ZCCHC14: variants seen among roughly 807,000 people sequenced by gnomAD.
ZCCHC14 encodes zinc finger CCHC domain-containing protein 14.
In ZCCHC14, 16 loss-of-function variants were observed where a neutral mutation model predicts 85.0. That is an observed-to-expected ratio of 0.19 (90% CI 0.13 to 0.29). ZCCHC14 has a LOEUF of 0.29. Among genes scored for constraint, ZCCHC14 ranks in the 10% least tolerant of loss-of-function variants. The pLI is 1.00. For missense variants in ZCCHC14, 1,303 were observed against 1,443.5 expected (o/e 0.90, Z 1.58); for synonymous variants, 775 against 630.7 (o/e 1.23, Z -3.43).
At chr16:87,452,766 C>T in intron 2 of ZCCHC14, among the ~76,000 whole-genome samples, 1 of 148,686 alleles carries the variant, frequency 6.7e-6, no homozygotes, top group East Asian at 2.0e-4. Flanking sequence ...TGCTTGTCAG[C>T]TGAGGAGCCC....
At chr16:87,469,995 T>G (rs1328451909) in intron 1 of ZCCHC14, among the ~76,000 whole-genome samples, 1 of 152,130 alleles carries the variant, frequency 6.6e-6, no homozygotes, top group African/African-American at 2.4e-5. Context: ...ATCCCAGCAC[T>G]TTGGGGGGCT....
rs1164382513 is a variant in ZCCHC14, at chr16:87,409,683, T to C, written c.*597A>G. 6.5e-6 allele frequency: 1 copy of C among 152,694 alleles called. No homozygotes were observed. The highest frequency in any genetic ancestry group is 1.5e-5 in the Non-Finnish European group (1 of 68,064). 9.5% of individuals were successfully genotyped at this position (152,694 alleles called of 1,614,324 possible). On this transcript the variant is annotated 3_prime_UTR_variant, in exon 13 of 13. Transcript: ENST00000671377. The stretch of plus-strand genomic sequence containing the variant: ...TCGAGTAGCCTCTGCTGGTGCTGAC[T>C]CTTTCAATATGGATTATTGGAGTCT...
rs546474540 is a variant in ZCCHC14, at chr16:87,417,397, C to T, written c.1383+63G>A. On this transcript the variant is annotated intron_variant, in intron 8 of 12. Coordinates refer to ENST00000671377, the MANE Select transcript of ZCCHC14 (RefSeq NM_015144.3). ...TGTGTTGGTTTGGAAACTCAATGCC[C>T]CCAGGGAGGTCTTGAGTAAACAATC... 8.9e-6 allele frequency: 14 copies of T among 1,575,550 alleles called. No individual in the cohort carries two copies. In the East Asian group the frequency reaches 2.9e-4, roughly 33 times the overall value.
chr16:87,430,404 C>T (rs904009627), intron 3 of ZCCHC14, among the ~76,000 whole-genome samples: 8 of 152,156 alleles, frequency 5.3e-5, no homozygotes, highest in Admixed American at 1.3e-4. Context: ...TACCTCACAG[C>T]GTTGTGATCC....
chr16:87,455,661 C>T (rs529094858), intron 2 of ZCCHC14, among the ~76,000 whole-genome samples: 1 of 152,332 alleles, frequency 6.6e-6, no homozygotes, highest in East Asian at 1.9e-4. Context: ...AGGAATGCTA[C>T]AGGCAACCAG....
At position 87,410,272 on chromosome 16, in the gene ZCCHC14, G is replaced by A; in HGVS notation, c.*8C>T. On this transcript the variant is annotated 3_prime_UTR_variant, in exon 13 of 13. Transcript: ENST00000671377. Reference sequence around the variant, plus strand: ...GGCTTAATAACGTTCTGTTGCCAGAGAAAAATATCAATCTGTGGAGTCCAG... The same window carrying A: ...GGCTTAATAACGTTCTGTTGCCAGAAAAAAATATCAATCTGTGGAGTCCAG... 2.6e-6 allele frequency: 2 copies of A among 768,814 alleles called. No homozygotes were observed. The highest frequency in any genetic ancestry group is 1.7e-5 in the African/African-American group (1 of 58,422). The allele number at this position is 768,814 out of a possible 1,614,324, so 47.6% of individuals were successfully genotyped here. A position where few individuals can be genotyped will look rare whatever the true frequency, so the allele number is the denominator to read the frequency against.
At chr16:87,480,200 G>C (rs562361895) in intron 1 of ZCCHC14, among the ~76,000 whole-genome samples, 1 of 152,170 alleles carries the variant, frequency 6.6e-6, no homozygotes, top group East Asian at 2.0e-4. Flanking sequence ...TCAGGAGATG[G>C]AGACCATCCT....
At chr16:87,411,484 G>A (rs765212025) in intron 12 of ZCCHC14, 32 bp downstream of exon 12, 1 of 1,610,028 alleles carries the variant, frequency 6.2e-7, no homozygotes, top group Admixed American at 1.7e-5. Context: ...TCCTGCGGGA[G>A]CCTGGTGGGC....
chr16:87,422,928 C>T lies in ZCCHC14; in HGVS notation c.840+882G>A, dbSNP rs561876747. 9.2e-5 allele frequency among the ~76,000 whole-genome samples: 14 copies of T among 152,134 alleles called. 1 individual carries two copies. The highest frequency in any genetic ancestry group is 2.6e-4 in the Admixed American group (4 of 15,266). On this transcript the variant is annotated intron_variant, in intron 4 of 12. Transcript: ENST00000671377. The stretch of plus-strand genomic sequence containing the variant: ...CCCGGGGGGGGGTGTGTGTTACCCT[C>T]GAAGGCGTGGCACTGTCGTGTTCTT...
chr16:87,411,834 G>A lies in ZCCHC14; in HGVS notation c.2887C>T (p.Pro963Ser), dbSNP rs148636687. 1.2e-6 allele frequency: 2 copies of A among 1,610,524 alleles called. No individual in the cohort carries two copies. The highest frequency in any genetic ancestry group is 1.3e-5 in the African/African-American group (1 of 74,896). Reference sequence around the variant, plus strand: ...CCGCTGCTGCACATGGGACTGAAGGGCAAGAAGGGGAAGGTGAACACGGAC... The same window carrying A: ...CCGCTGCTGCACATGGGACTGAAGGACAAGAAGGGGAAGGTGAACACGGAC... ...GPSVFTFPFL[P>S]FSPMCSSGYV... The change falls in exon 12 of 13, where the codon CCC becomes TCC. Residue 963 changes from proline to serine, a missense_variant. By Grantham distance (74) the Pro-to-Ser change is moderately conservative. This residue lies in a region of ZCCHC14 where 797 missense variants were observed against 730.8 expected (regional missense o/e 1.09). Coordinates refer to ENST00000671377, the MANE Select transcript of ZCCHC14 (RefSeq NM_015144.3).
At chr16:87,435,572 C>A (rs931524259) in intron 2 of ZCCHC14, among the ~76,000 whole-genome samples, 8 of 152,254 alleles carry the variant, frequency 5.3e-5, no homozygotes, top group Admixed American at 5.2e-4. Flanking sequence ...GCTGAACCAA[C>A]CATCCTCGCT....
Position 87,412,999 on chromosome 16 carries a change from T to G in ZCCHC14, c.1745-23A>C, listed in dbSNP as rs771016154. On this transcript the variant is annotated intron_variant, in intron 11 of 12. Transcript: ENST00000671377. ...CACCTAGAGAGGGAAACAAGAGTGGTCAGTGCCATTCCACAGCTGGGCCAG... is the reference window on the plus strand; with the variant it reads ...CACCTAGAGAGGGAAACAAGAGTGGGCAGTGCCATTCCACAGCTGGGCCAG... 6.2e-6 allele frequency: 10 copies of G among 1,613,890 alleles called. No homozygotes were observed. In the East Asian group the frequency reaches 2.0e-4, roughly 32 times the overall value.
intron 8 of ZCCHC14, among the ~76,000 whole-genome samples, 186 bp from the exon 9 acceptor site, chr16:87,415,553 G>A (rs1464780364): frequency 6.6e-6 from 1 of 152,190 alleles, no homozygotes; most frequent in Non-Finnish European, 1.5e-5. Flanking sequence ...TGGTGTCAAC[G>A]GTTCAACTCC....
chr16:87,444,420 G>C (rs1785231364), intron 2 of ZCCHC14, among the ~76,000 whole-genome samples: 1 of 152,140 alleles, frequency 6.6e-6, no homozygotes, highest in South Asian at 2.1e-4. Context: ...AATAAAACAG[G>C]AAACAATAAT....
At chr16:87,460,351 C>A (rs77214902) in intron 1 of ZCCHC14, among the ~76,000 whole-genome samples, 2,537 of 152,238 alleles carry the variant, frequency 0.017, 24 homozygotes, top group Middle Eastern at 0.048. Context: ...CAAACACGGG[C>A]GCTTACGTCT....
chr16:87,446,856 T>C (rs929425154), intron 2 of ZCCHC14, among the ~76,000 whole-genome samples: 2 of 152,060 alleles, frequency 1.3e-5, no homozygotes, highest in Admixed American at 6.5e-5. Context: ...GCTAGTTTTT[T>C]TGTATTTTTA....
At chr16:87,463,017 G>A (rs1002774088) in intron 1 of ZCCHC14, among the ~76,000 whole-genome samples, 11 of 152,102 alleles carry the variant, frequency 7.2e-5, no homozygotes, top group South Asian at 2.1e-4. Flanking sequence ...GTAGGGAGCC[G>A]AGATTGCGCC....
intron 10 of ZCCHC14, among the ~76,000 whole-genome samples, chr16:87,413,981 G>A (rs1908627836): frequency 6.6e-6 from 1 of 152,246 alleles, no homozygotes; most frequent in African/African-American, 2.4e-5. Context: ...TCTTATGGCA[G>A]AGACTATAAT....
intron 3 of ZCCHC14, among the ~76,000 whole-genome samples, chr16:87,431,792 G>C (rs997482475): frequency 6.6e-6 from 1 of 152,166 alleles, no homozygotes; most frequent in Admixed American, 6.5e-5. Flanking sequence ...CAAATACCTA[G>C]GATCACTGGG....
Sources: gnomAD v4.1 joint callset for allele counts (sites outside exome capture counted in the v4.1 genomes callset) on GRCh38, gnomAD v4.1.1 for gene constraint, gnomAD v4.1.1 regional missense constraint, MANE v1.5 for transcripts, NCBI Gene and HGNC (gene_info 2026-07-23, HGNC 2026-07-21) for gene names.